Variants in L3MBTL4 observed in about 807,000 individuals in gnomAD.
L3MBTL4 encodes the protein L3MBTL histone methyl-lysine binding protein 4.
L3MBTL4 carries 70 observed loss-of-function variants against 84.5 expected under a neutral mutation model. The observed-to-expected ratio is 0.83, with a 90% CI of 0.68 to 1.01. The LOEUF is 1.01. L3MBTL4 is among the 50% of genes least tolerant of loss of function. L3MBTL4 has a pLI of 0.00. For synonymous variants in L3MBTL4, 274 were observed against 259.8 expected, an observed-to-expected ratio of 1.05 and a Z score of -0.52; for missense variants, 715 against 754.8, an observed-to-expected ratio of 0.95 and a Z score of 0.62.
chr18:6,048,231 A>T (rs974118913), intron 16 of L3MBTL4, among the ~76,000 whole-genome samples: 1 of 152,212 alleles, frequency 6.6e-6, no homozygotes, highest in Admixed American at 6.5e-5. Context: ...AGGAAATCAT[A>T]CATGATATAA....
At chr18:6,364,472 A>T (rs899195823) in intron 1 of L3MBTL4, among the ~76,000 whole-genome samples, 17 of 152,122 alleles carry the variant, frequency 1.1e-4, no homozygotes, top group Admixed American at 1.1e-3. Context: ...CAGTCTTAAA[A>T]TATACAAATT....
At chr18:6,132,498 T>A (rs2059905026) in intron 14 of L3MBTL4, among the ~76,000 whole-genome samples, 1 of 152,228 alleles carries the variant, frequency 6.6e-6, no homozygotes, top group African/African-American at 2.4e-5. Context: ...GGAGACAGGA[T>A]CGCTTCTCAG....
chr18:5,998,969 G>A (rs1328996753), intron 16 of L3MBTL4, among the ~76,000 whole-genome samples: 1 of 152,144 alleles, frequency 6.6e-6, no homozygotes, highest in Non-Finnish European at 1.5e-5. Flanking sequence ...AAGACAAAAT[G>A]AAATGACAAA....
chr18:6,175,622 T>C (rs1282069923), intron 12 of L3MBTL4, among the ~76,000 whole-genome samples: 1 of 152,166 alleles, frequency 6.6e-6, no homozygotes, highest in Non-Finnish European at 1.5e-5. Context: ...GAAAAAGTAT[T>C]TGACAAAGTT....
intron 16 of L3MBTL4, among the ~76,000 whole-genome samples, chr18:5,989,795 G>A (rs1192155972): frequency 4.6e-5 from 7 of 152,224 alleles, no homozygotes; most frequent in Non-Finnish European, 1.0e-4. Flanking sequence ...GCTCCTGGAG[G>A]CTGCACCCTG....
chr18:6,205,701 T>C (rs2045846721), intron 12 of L3MBTL4, among the ~76,000 whole-genome samples: 1 of 152,184 alleles, frequency 6.6e-6, no homozygotes, highest in Non-Finnish European at 1.5e-5. Flanking sequence ...GAAGAAGGAA[T>C]GGGGGAGAAT....
intron 16 of L3MBTL4, among the ~76,000 whole-genome samples, chr18:6,053,229 T>C (rs755183319): frequency 6.6e-6 from 1 of 152,190 alleles, no homozygotes; most frequent in African/African-American, 2.4e-5. Context: ...GCAATAAACA[T>C]AGAGAAAGAG....
intron 1 of L3MBTL4, chr18:6,367,283 A>G (rs781041001): frequency 6.6e-6 from 1 of 152,288 alleles, no homozygotes; most frequent in Non-Finnish European, 1.5e-5. Flanking sequence ...AAGGCCAAGA[A>G]GACAGCCTCA....
chr18:6,242,462 A>C (rs545165134), intron 7 of L3MBTL4, among the ~76,000 whole-genome samples: 1 of 152,328 alleles, frequency 6.6e-6, no homozygotes, highest in East Asian at 1.9e-4. Flanking sequence ...ACTGGCCCTC[A>C]GTGCCTCACG....
chr18:6,078,439 CAA>C (rs769376748), intron 16 of L3MBTL4, among the ~76,000 whole-genome samples: 1 of 43,738 alleles, frequency 2.3e-5, no homozygotes. Flanking sequence ...AAAAAAAAAA[CAA>C]AAAAAAAAAA....
chr18:6,360,907 G>A (rs2053662832), intron 1 of L3MBTL4, among the ~76,000 whole-genome samples: 1 of 151,744 alleles, frequency 6.6e-6, no homozygotes, highest in Non-Finnish European at 1.5e-5. Context: ...CAGCTACCTG[G>A]GAGACTTAGG....
intron 16 of L3MBTL4, among the ~76,000 whole-genome samples, chr18:5,989,978 T>G (rs1209570682): frequency 6.6e-6 from 1 of 152,154 alleles, no homozygotes; most frequent in African/African-American, 2.4e-5. Flanking sequence ...GGGGCAAAGA[T>G]ACAACCAGGT....
chr18:6,232,876 T>C (rs1219514282), intron 10 of L3MBTL4, among the ~76,000 whole-genome samples: 2 of 152,068 alleles, frequency 1.3e-5, no homozygotes, highest in East Asian at 1.9e-4. Flanking sequence ...ACATATATAA[T>C]TTTTTGAAAG....
At chr18:6,221,351 C>T (rs550910003) in intron 10 of L3MBTL4, among the ~76,000 whole-genome samples, 1 of 149,112 alleles carries the variant, frequency 6.7e-6, no homozygotes, top group Admixed American at 6.6e-5. Context: ...ATTTAATAAG[C>T]AGCAATAAAA....
At chr18:6,220,519 G>C (rs902997177) in intron 10 of L3MBTL4, among the ~76,000 whole-genome samples, 1 of 152,040 alleles carries the variant, frequency 6.6e-6, no homozygotes, top group East Asian at 1.9e-4. Flanking sequence ...ATAATAGGGA[G>C]CCCCCCTCCC....
chr18:6,244,638 T>G, intron 5 of L3MBTL4, 50 bp from the exon 6 acceptor site: 1 of 1,262,412 alleles, frequency 7.9e-7, no homozygotes, highest in South Asian at 1.2e-5. Context: ...CATCACAGTT[T>G]TATATTAAGA....
chr18:6,159,252 C>T (rs1385928650), intron 13 of L3MBTL4, among the ~76,000 whole-genome samples: 1 of 152,208 alleles, frequency 6.6e-6, no homozygotes, highest in Admixed American at 6.5e-5. Context: ...CTGGGTTACC[C>T]ACTTTTCTGT....
chr18:6,241,863 C>T (rs1339472231), intron 7 of L3MBTL4, among the ~76,000 whole-genome samples: 1 of 152,116 alleles, frequency 6.6e-6, no homozygotes, highest in East Asian at 1.9e-4. Context: ...TACCTGTCCC[C>T]ACTCCTGAGG....
chr18:6,240,543 C>T (rs2146111499), intron 8 of L3MBTL4, among the ~76,000 whole-genome samples: 1 of 152,144 alleles, frequency 6.6e-6, no homozygotes, highest in Non-Finnish European at 1.5e-5. Flanking sequence ...ACCCACCCTT[C>T]ATATATCTAT....
Sources: allele counts gnomAD v4.1 joint callset (sites outside exome capture counted in the v4.1 genomes callset), GRCh38; gene constraint gnomAD v4.1.1; transcripts MANE v1.5; gene names NCBI Gene and HGNC (gene_info 2026-07-23, HGNC 2026-07-21).